DPYS: variants seen among roughly 807,000 people sequenced by gnomAD.
DPYS encodes dihydropyrimidinase, also known as dihydropyrimidine amidohydrolase.
Under a neutral mutation model 50.3 loss-of-function variants are expected in DPYS, and 39 were observed. That is an observed-to-expected ratio of 0.78 (90% CI 0.60 to 1.01). DPYS has a LOEUF of 1.01. Ranked by LOEUF, DPYS falls within the 50% of genes least tolerant of loss-of-function variation. The pLI, the probability that DPYS is intolerant of heterozygous loss-of-function variation, is 0.00. For missense variants in DPYS, 659 were observed against 680.9 expected, an observed-to-expected ratio of 0.97 and a Z score of 0.36; for synonymous variants, 245 against 250.7, an observed-to-expected ratio of 0.98 and a Z score of 0.22.
chr8:104,416,152 C>A (rs1013287910), intron 7 of DPYS, among the ~76,000 whole-genome samples: 3 of 152,176 alleles, frequency 2.0e-5, no homozygotes, highest in African/African-American at 7.2e-5. Flanking sequence ...AATTTATCAC[C>A]AAAGCCTTTC....
chr8:104,405,810 T>C (rs1811977682), intron 7 of DPYS, among the ~76,000 whole-genome samples: 1 of 152,186 alleles, frequency 6.6e-6, no homozygotes, highest in Admixed American at 6.5e-5. Flanking sequence ...GGAGCACGCC[T>C]GAGGACATCC....
At chr8:104,448,465 G>A (rs917173023) in intron 2 of DPYS, among the ~76,000 whole-genome samples, 1 of 151,984 alleles carries the variant, frequency 6.6e-6, no homozygotes, top group African/African-American at 2.4e-5. Flanking sequence ...CTCAATAATT[G>A]CTTTTGTAGG....
At chr8:104,427,815 G>A (rs897710223) in intron 6 of DPYS, among the ~76,000 whole-genome samples, 165 bp downstream of exon 6, 1 of 152,162 alleles carries the variant, frequency 6.6e-6, no homozygotes, top group Non-Finnish European at 1.5e-5. Context: ...GCTATACTGA[G>A]GGATGGAATG....
chr8:104,420,720 A>G (rs983847491), intron 7 of DPYS: 22 of 150,036 alleles, frequency 1.5e-4, no homozygotes, highest in Admixed American at 3.3e-4. Context: ...AAAAAAAACG[A>G]TAAAACAAGA....
At chr8:104,404,855 C>T (rs1811940582) in intron 7 of DPYS, among the ~76,000 whole-genome samples, 1 of 152,234 alleles carries the variant, frequency 6.6e-6, no homozygotes, top group Admixed American at 6.5e-5. Flanking sequence ...ATATGGCCCA[C>T]AAAGCCAAAA....
At position 104,428,082 on chromosome 8, in the gene DPYS, G is replaced by T. The variant is rs141994148; in HGVS notation, c.990C>A (p.Phe330Leu). ...TCCCAAGAGCTTTCTGGCAGGTGTT[G>T]AAAGTGCAGTTATCAGTCCCTGTTG... ...LTTTGTDNCT[F>L]NTCQKALGKD... The change falls in exon 6 of 10, where the codon TTC (phenylalanine) becomes TTA (leucine). Residue 330 changes from phenylalanine to leucine, a missense_variant. By Grantham distance (22) the Phe-to-Leu change is conservative (BLOSUM62 0). Transcript: ENST00000351513. 6.2e-7 allele frequency: 1 copy of T among 1,614,218 alleles called. No homozygotes were observed. Among genetic ancestry groups the T allele is most frequent in the African/African-American group, 1.3e-5 (1 of 75,060 alleles).
intron 7 of DPYS, among the ~76,000 whole-genome samples, chr8:104,410,271 T>C (rs566305416): frequency 6.6e-6 from 1 of 152,120 alleles, no homozygotes; most frequent in Non-Finnish European, 1.5e-5. Context: ...ACTCCTACAA[T>C]AGCCTCCTGA....
At chr8:104,403,339 T>A (rs13282328) in intron 7 of DPYS, among the ~76,000 whole-genome samples, 101,826 of 152,038 alleles carry the variant, frequency 0.67, 35,763 homozygotes, top group Middle Eastern at 0.82. Flanking sequence ...AATAGAGCTA[T>A]AACACTCACT....
intron 7 of DPYS, among the ~76,000 whole-genome samples, chr8:104,403,047 G>T (rs902723116): frequency 6.6e-6 from 1 of 152,154 alleles, no homozygotes; most frequent in Admixed American, 6.5e-5. Context: ...CCCTCTCTTT[G>T]TATGGGAGCT....
At chr8:104,406,343 T>C (rs553200365) in intron 7 of DPYS, among the ~76,000 whole-genome samples, 77 of 152,312 alleles carry the variant, frequency 5.1e-4, no homozygotes, top group African/African-American at 1.8e-3. Flanking sequence ...ATGGCATCTA[T>C]ACCTAGAGCT....
intron 7 of DPYS, among the ~76,000 whole-genome samples, chr8:104,394,248 C>A (rs1811503749): frequency 6.6e-6 from 1 of 152,128 alleles, no homozygotes; most frequent in African/African-American, 2.4e-5. Context: ...ATGAGGAAGC[C>A]CCCGCTGCTG....
At chr8:104,438,190 G>T (rs971832511) in intron 4 of DPYS, among the ~76,000 whole-genome samples, 2 of 152,134 alleles carry the variant, frequency 1.3e-5, no homozygotes, top group African/African-American at 4.8e-5. Flanking sequence ...TCTACTGCAG[G>T]CTTAGCAAGC....
intron 6 of DPYS, among the ~76,000 whole-genome samples, chr8:104,426,736 T>C (rs1357944626): frequency 6.6e-6 from 1 of 152,252 alleles, no homozygotes; most frequent in Non-Finnish European, 1.5e-5. Context: ...GCTCCACATG[T>C]CAACTGGCTG....
At chr8:104,432,958 T>C (rs1813004274) in intron 4 of DPYS, among the ~76,000 whole-genome samples, 3 of 152,196 alleles carry the variant, frequency 2.0e-5, no homozygotes. Context: ...AGGATCTTTA[T>C]GGAGGTAGTG....
At chr8:104,460,950 G>C (rs1346122891) in intron 1 of DPYS, among the ~76,000 whole-genome samples, 1 of 152,004 alleles carries the variant, frequency 6.6e-6, no homozygotes, top group East Asian at 1.9e-4. Context: ...AGTAAGAAGT[G>C]CTACGTTTTT....
chr8:104,450,919 A>G (rs143348043), intron 2 of DPYS, among the ~76,000 whole-genome samples: 1,671 of 152,324 alleles, frequency 0.011, 19 homozygotes, highest in South Asian at 0.019. Flanking sequence ...GGGATATTGA[A>G]TTTAAGAAAA....
chr8:104,393,037 C>A, intron 7 of DPYS, 46 bp from the exon 8 acceptor site: 1 of 1,542,046 alleles, frequency 6.5e-7, no homozygotes, highest in Non-Finnish European at 9.0e-7. Flanking sequence ...ATCACCAGCT[C>A]ACTTGATAAA....
rs745929558 is a variant in DPYS at position 104,451,236 on chromosome 8, G to A, written c.423+10C>T. 1 of 1,613,672 alleles carries A rather than the reference G, an allele frequency of 6.2e-7. No individual in the cohort carries two copies. The highest frequency in any genetic ancestry group is 1.7e-5 in the Admixed American group (1 of 60,022). ...GACAATGGGAACACATTGAAATCCA[G>A]GTGCTTTACCTGGTCACTCCACCAC... On this transcript the variant is annotated intron_variant, in intron 2 of 9. Coordinates refer to ENST00000351513, the MANE Select transcript of DPYS (RefSeq NM_001385.3).
rs1453859700 is a variant in DPYS at position 104,431,463 on chromosome 8, TTTAAAAAGTAAAAA to T, written c.794-1776_794-1763del. Among the ~76,000 whole-genome samples, 5 of 151,376 alleles carry T rather than the reference TTTAAAAAGTAAAAA, an allele frequency of 3.3e-5. No individual in the cohort carries two copies. The East Asian group carries it at 9.6e-4, about 29-fold the overall frequency. ...GTATCTGTTAATATCCAAAATAAAA[TTTAAAAAGTAAAAA>T]TTCCTAACTGCATATTCTATTTCCT... On this transcript the variant is annotated intron_variant, in intron 4 of 9. Transcript: ENST00000351513.
Sources: allele counts gnomAD v4.1 joint callset (sites outside exome capture counted in the v4.1 genomes callset), GRCh38; gene constraint gnomAD v4.1.1; transcripts MANE v1.5; gene names NCBI Gene and HGNC (gene_info 2026-07-23, HGNC 2026-07-21).